C1QTNF3: variants seen among roughly 807,000 people sequenced by gnomAD.
C1QTNF3 encodes complement C1q tumor necrosis factor-related protein 3.
Under a neutral mutation model 32.6 loss-of-function variants are expected in C1QTNF3, and 26 were observed. The observed-to-expected ratio is 0.80, with a 90% CI of 0.58 to 1.11. The LOEUF is 1.11. Ranked by LOEUF, C1QTNF3 falls within the 50% of genes least tolerant of loss-of-function variation. C1QTNF3 has a pLI of 0.00. For missense variants in C1QTNF3, 362 were observed against 398.2 expected (o/e 0.91, Z 0.77); for synonymous variants, 155 against 146.0 (o/e 1.06, Z -0.44).
the C1QTNF3 span, among the ~76,000 whole-genome samples, chr5:34,156,281 G>C: frequency 9.7e-4 from 148 of 152,246 alleles, 3 homozygotes; most frequent in East Asian, 0.026. Context: ...ATGTTAGCCA[G>C]GCTGGTCTCA....
chr5:34,202,180 A>C, the C1QTNF3 span, among the ~76,000 whole-genome samples: 1 of 151,654 alleles, frequency 6.6e-6, no homozygotes, highest in African/African-American at 2.4e-5. Flanking sequence ...GTTTTGTTTT[A>C]ATTTTCTAAC....
intron 1 of C1QTNF3, among the ~76,000 whole-genome samples, chr5:34,041,685 G>T (rs1018160602): frequency 1.3e-5 from 2 of 151,990 alleles, no homozygotes; most frequent in African/African-American, 2.4e-5. Flanking sequence ...TTCTTCCGTG[G>T]CTCCTTAAAG....
the C1QTNF3 span, among the ~76,000 whole-genome samples, chr5:34,134,296 GCA>G: frequency 6.6e-6 from 1 of 151,806 alleles, no homozygotes; most frequent in Non-Finnish European, 1.5e-5. Flanking sequence ...CAAACCATTT[GCA>G]CAGTCATAAC....
At chr5:34,055,513 C>T in the C1QTNF3 span, among the ~76,000 whole-genome samples, 4 of 152,204 alleles carry the variant, frequency 2.6e-5, no homozygotes, top group Non-Finnish European at 4.4e-5. Flanking sequence ...CATCTGAGGA[C>T]TGACATACAC....
chr5:34,166,246 T>A, the C1QTNF3 span: 1 of 152,138 alleles, frequency 6.6e-6, no homozygotes, highest in South Asian at 2.1e-4. Context: ...CCTTCAATAT[T>A]TCCTCTTAAT....
At chr5:34,132,412 T>TAG in the C1QTNF3 span, among the ~76,000 whole-genome samples, 1 of 137,286 alleles carries the variant, frequency 7.3e-6, no homozygotes, top group South Asian at 2.4e-4. Flanking sequence ...CAAAAATATA[T>TAG]ATATATGTAT....
chr5:34,230,815 C>A, the C1QTNF3 span, among the ~76,000 whole-genome samples: 4 of 152,010 alleles, frequency 2.6e-5, no homozygotes, highest in East Asian at 7.7e-4. Flanking sequence ...CAAAACAAAA[C>A]AAAACTCCTC....
At chr5:34,032,626 G>A (rs1022626405) in intron 3 of C1QTNF3, among the ~76,000 whole-genome samples, 4 of 152,178 alleles carry the variant, frequency 2.6e-5, no homozygotes, top group East Asian at 3.9e-4. Flanking sequence ...GCAAAAACCC[G>A]TCTGTATTAG....
At chr5:34,074,989 T>C in the C1QTNF3 span, among the ~76,000 whole-genome samples, 1 of 151,730 alleles carries the variant, frequency 6.6e-6, no homozygotes, top group African/African-American at 2.4e-5. Context: ...TGTAATTGTT[T>C]GTCTGCATTC....
the C1QTNF3 span, chr5:34,166,114 A>T: frequency 1.3e-5 from 2 of 151,532 alleles, no homozygotes; most frequent in Non-Finnish European, 2.9e-5. Flanking sequence ...GGACAATTAA[A>T]TAATATAATA....
At chr5:34,056,412 GTA>G in the C1QTNF3 span, among the ~76,000 whole-genome samples, 2 of 73,298 alleles carry the variant, frequency 2.7e-5, no homozygotes, top group African/African-American at 4.4e-5. Context: ...ATATATATAT[GTA>G]TATGTATGTG....
At chr5:34,063,307 T>TCG in the C1QTNF3 span, among the ~76,000 whole-genome samples, 5,782 of 151,316 alleles carry the variant, frequency 0.038, 320 homozygotes, top group African/African-American at 0.12. Flanking sequence ...CCTCTCTCTC[T>TCG]CACTTCTCTC....
chr5:34,028,726 C>T (rs1754539328), intron 4 of C1QTNF3, 28 bp downstream of exon 4: 1 of 1,581,094 alleles, frequency 6.3e-7, no homozygotes, highest in Non-Finnish European at 8.6e-7. Flanking sequence ...TTGATTAACT[C>T]AATCTTCATC....
the C1QTNF3 span, among the ~76,000 whole-genome samples, chr5:34,228,025 T>C: frequency 6.6e-6 from 1 of 151,438 alleles, no homozygotes; most frequent in Non-Finnish European, 1.5e-5. Context: ...ATATCTCTAG[T>C]AACAAGGAAA....
the C1QTNF3 span, among the ~76,000 whole-genome samples, chr5:34,221,533 A>G: frequency 9.2e-5 from 14 of 152,208 alleles, no homozygotes; most frequent in African/African-American, 3.4e-4. Context: ...CCAGTCTGAA[A>G]TGGCTGCCAG....
the C1QTNF3 span, chr5:34,158,028 C>T: frequency 6.6e-6 from 1 of 151,914 alleles, no homozygotes; most frequent in Non-Finnish European, 1.5e-5. Context: ...TCCATCTACT[C>T]ATATATTGTT....
chr5:34,166,679 A>T, the C1QTNF3 span: 2 of 152,166 alleles, frequency 1.3e-5, no homozygotes, highest in African/African-American at 4.8e-5. Flanking sequence ...CAAAATAAAG[A>T]TTCCCATATT....
chr5:34,236,207 C>T, the C1QTNF3 span, among the ~76,000 whole-genome samples: 1 of 152,068 alleles, frequency 6.6e-6, no homozygotes, highest in East Asian at 1.9e-4. Flanking sequence ...ATGTATCTAT[C>T]AAAATAGAAC....
At chr5:34,130,758 T>G in the C1QTNF3 span, among the ~76,000 whole-genome samples, 1 of 152,242 alleles carries the variant, frequency 6.6e-6, no homozygotes, top group Non-Finnish European at 1.5e-5. Context: ...TAGACTGAGT[T>G]TCAACATATC....
Sources: gnomAD v4.1 joint callset for allele counts (sites outside exome capture counted in the v4.1 genomes callset) on GRCh38, gnomAD v4.1.1 for gene constraint, MANE v1.5 for transcripts, NCBI Gene and HGNC (gene_info 2026-07-23, HGNC 2026-07-21) for gene names.